The following EXTL3 variants were observed in gnomAD, a reference collection of about 807,000 sequenced individuals.
EXTL3 encodes exostosin like glycosyltransferase 3.
Under a neutral mutation model 69.3 loss-of-function variants are expected in EXTL3, and 27 were observed. That is an observed-to-expected ratio of 0.39 (90% CI 0.29 to 0.54). The LOEUF is 0.54. Ranked by LOEUF, EXTL3 falls within the 20% of genes least tolerant of loss-of-function variation. EXTL3 has a pLI of 0.69. For missense variants in EXTL3, 1,003 were observed against 1,231.8 expected, an observed-to-expected ratio of 0.81 and a Z score of 2.78; for synonymous variants, 511 against 499.4, an observed-to-expected ratio of 1.02 and a Z score of -0.31.
chr8:28,668,465 G>T (rs903041643), intron 1 of EXTL3, among the ~76,000 whole-genome samples: 1 of 151,256 alleles, frequency 6.6e-6, no homozygotes, highest in Non-Finnish European at 1.5e-5. Flanking sequence ...ACCAGTAGCT[G>T]GGATTACAGC....
intron 1 of EXTL3, among the ~76,000 whole-genome samples, chr8:28,673,318 C>A (rs933475902): frequency 4.6e-5 from 7 of 152,188 alleles, no homozygotes; most frequent in Admixed American, 2.0e-4. Flanking sequence ...CCTGATGTGT[C>A]TTTGCGGGTG....
At chr8:28,692,218 G>T (rs1483897657) in intron 1 of EXTL3, among the ~76,000 whole-genome samples, 1 of 152,152 alleles carries the variant, frequency 6.6e-6, no homozygotes. Context: ...ATGGGCTTTG[G>T]ATTGTTGGTT....
chr8:28,668,865 CTT>C (rs999113088), intron 1 of EXTL3, among the ~76,000 whole-genome samples: 18 of 94,448 alleles, frequency 1.9e-4, no homozygotes, highest in South Asian at 7.5e-4. Context: ...GATAGAATCT[CTT>C]TTTTTTTTTT....
intron 1 of EXTL3, among the ~76,000 whole-genome samples, chr8:28,626,261 TAAAG>T (rs1325788887): frequency 6.6e-6 from 1 of 151,086 alleles, no homozygotes; most frequent in African/African-American, 2.4e-5. Context: ...AGAATAAGAC[TAAAG>T]AAAGAGGACG....
At chr8:28,614,515 C>A (rs1315194288) in intron 2 of EXTL3, among the ~76,000 whole-genome samples, 1 of 152,010 alleles carries the variant, frequency 6.6e-6, no homozygotes, top group Non-Finnish European at 1.5e-5. Flanking sequence ...CTCAAGCGAT[C>A]CACCCGCCTC....
intron 1 of EXTL3, among the ~76,000 whole-genome samples, chr8:28,624,707 T>C (rs1294148908): frequency 6.6e-6 from 1 of 152,150 alleles, no homozygotes; most frequent in African/African-American, 2.4e-5. Context: ...AACCAAAATC[T>C]AGTTATTAAT....
intron 1 of EXTL3, among the ~76,000 whole-genome samples, chr8:28,662,202 A>G (rs1807127838): frequency 6.6e-6 from 1 of 152,112 alleles, no homozygotes; most frequent in African/African-American, 2.4e-5. Flanking sequence ...TCCTTGAAAC[A>G]TAAGAAATGT....
At chr8:28,677,750 A>T (rs1807411841) in intron 1 of EXTL3, among the ~76,000 whole-genome samples, 1 of 152,172 alleles carries the variant, frequency 6.6e-6, no homozygotes, top group Non-Finnish European at 1.5e-5. Flanking sequence ...AAAAAACACA[A>T]CCACCCCAAT....
intron 1 of EXTL3, among the ~76,000 whole-genome samples, chr8:28,689,200 A>G (rs891061024): frequency 6.6e-6 from 1 of 152,192 alleles, no homozygotes; most frequent in African/African-American, 2.4e-5. Context: ...AATCACTCAC[A>G]TAAGGCATTT....
intron 1 of EXTL3, among the ~76,000 whole-genome samples, chr8:28,650,198 GAAAAAAA>G (rs35238223): frequency 5.2e-5 from 5 of 95,262 alleles, no homozygotes; most frequent in African/African-American, 1.5e-4. Flanking sequence ...TCTGTCTCAG[GAAAAAAA>G]AAAAAAAAAA....
At chr8:28,703,218 T>C (rs1800849219) in intron 1 of EXTL3, among the ~76,000 whole-genome samples, 1 of 152,146 alleles carries the variant, frequency 6.6e-6, no homozygotes, top group Non-Finnish European at 1.5e-5. Context: ...GAAACGTGCT[T>C]AATGTCCAGA....
chr8:28,708,825 C>G (rs1001052093), intron 1 of EXTL3, among the ~76,000 whole-genome samples: 3 of 152,164 alleles, frequency 2.0e-5, no homozygotes, highest in Non-Finnish European at 4.4e-5. Flanking sequence ...AATAGTACTA[C>G]AAGCACAGAT....
At chr8:28,632,451 G>A (rs1198593250) in intron 1 of EXTL3, among the ~76,000 whole-genome samples, 1 of 151,922 alleles carries the variant, frequency 6.6e-6, no homozygotes, top group Non-Finnish European at 1.5e-5. Flanking sequence ...TAAAGTTAAG[G>A]TATATAAACA....
rs1801976067 is a variant in EXTL3, at chr8:28,750,262, G to T, written c.2551-395G>T. ...CCCTCTTTGACTAGCCCCTCTTTGG[G>T]TAGTCTTCAATACCCAAAGCCCCTC... On this transcript the variant is annotated intron_variant, in intron 6 of 6. Transcript: ENST00000220562. The surrounding 1 kb of genome is among the most constrained non-coding windows in gnomAD (Gnocchi z 5.2). 6.6e-6 allele frequency among the ~76,000 whole-genome samples: 1 copy of T among 152,032 alleles called. No homozygotes were observed.
At chr8:28,702,734 TC>T (rs1800838640) in intron 1 of EXTL3, among the ~76,000 whole-genome samples, 1 of 151,834 alleles carries the variant, frequency 6.6e-6, no homozygotes, top group South Asian at 2.1e-4. Context: ...TACTTAAGAG[TC>T]GTCTTTAGCA....
At chr8:28,745,871 C>A (rs1801878451) in intron 6 of EXTL3, among the ~76,000 whole-genome samples, 1 of 152,134 alleles carries the variant, frequency 6.6e-6, no homozygotes, top group Non-Finnish European at 1.5e-5. Context: ...GTGAAAACTT[C>A]AAAACTGAGT....
chr8:28,668,438 TCTC>T (rs1807233697), intron 1 of EXTL3, among the ~76,000 whole-genome samples: 1 of 148,660 alleles, frequency 6.7e-6, no homozygotes, highest in Non-Finnish European at 1.5e-5. Context: ...TTCAAGCAAT[TCTC>T]CTGCCTCAGC....
chr8:28,695,111 T>C (rs962379241), intron 1 of EXTL3, among the ~76,000 whole-genome samples: 3 of 151,510 alleles, frequency 2.0e-5, no homozygotes, highest in African/African-American at 7.3e-5. Flanking sequence ...GTATTCATGT[T>C]AGTTTAAGTA....
At chr8:28,647,539 A>C (rs77443300) in intron 1 of EXTL3, among the ~76,000 whole-genome samples, 2,653 of 152,208 alleles carry the variant, frequency 0.017, 77 homozygotes, top group African/African-American at 0.061. Context: ...GGTTATGTTA[A>C]GTTCAGGAGA....
Sources: allele counts gnomAD v4.1 joint callset (sites outside exome capture counted in the v4.1 genomes callset), GRCh38; gene constraint gnomAD v4.1.1; non-coding constraint Gnocchi (gnomAD v3.1); transcripts MANE v1.5; gene names NCBI Gene and HGNC (gene_info 2026-07-23, HGNC 2026-07-21).